Variants in AHNAK observed in about 807,000 individuals in gnomAD.
AHNAK encodes the protein AHNAK nucleoprotein.
Under a neutral mutation model 37.8 loss-of-function variants are expected in AHNAK, and 23 were observed. That is an observed-to-expected ratio of 0.61 (90% CI 0.44 to 0.86). The LOEUF (loss-of-function observed/expected upper bound fraction) is 0.86. AHNAK is among the 40% of genes least tolerant of loss of function. The pLI is 0.00. For missense variants in AHNAK, 7,411 were observed against 7,319.4 expected (o/e 1.01, Z -0.46); for synonymous variants, 2,481 against 2,636.3 (o/e 0.94, Z 1.80).
chr11:62,541,236 T>C (rs1941113414), intron 1 of AHNAK, among the ~76,000 whole-genome samples: 1 of 152,206 alleles, frequency 6.6e-6, no homozygotes, highest in Non-Finnish European at 1.5e-5. Context: ...GGCCCATGAC[T>C]GTGCATCCAC....
intron 5 of AHNAK, among the ~76,000 whole-genome samples, chr11:62,465,316 A>G (rs1384019154): frequency 1.3e-5 from 2 of 152,144 alleles, no homozygotes; most frequent in Non-Finnish European, 2.9e-5. Flanking sequence ...AGATGTGATC[A>G]AATTTTACCG....
At chr11:62,454,698 G>A (rs1351658447) in intron 5 of AHNAK, among the ~76,000 whole-genome samples, 1 of 151,982 alleles carries the variant, frequency 6.6e-6, no homozygotes, top group Non-Finnish European at 1.5e-5. Context: ...CTGCCAGGGC[G>A]ATGGGGAGAA....
intron 1 of AHNAK, among the ~76,000 whole-genome samples, chr11:62,542,377 G>A (rs894147816): frequency 6.6e-5 from 10 of 152,190 alleles, no homozygotes; most frequent in African/African-American, 2.4e-4. Context: ...GGAGGCGCCA[G>A]CCCAGCCACA....
chr11:62,510,215 T>G (rs1459085356), intron 4 of AHNAK, among the ~76,000 whole-genome samples: 1 of 151,540 alleles, frequency 6.6e-6, no homozygotes, highest in Non-Finnish European at 1.5e-5. Context: ...GGCTAATTTT[T>G]TGTATTTTTA....
rs1380249883 is a variant in AHNAK, at chr11:62,527,024, G to T, written c.7393C>A (p.Pro2465Thr). The change falls in exon 5 of 5, where the codon CCC becomes ACC. Residue 2465 changes from proline to threonine, a missense_variant. Transcript: ENST00000378024. ...MPDVDLNLKG[P>T]KIKGDVDVSV... is the part of the protein sequence containing the mutation. The stretch of plus-strand genomic sequence containing the variant: ...ACATCCACATCCCCCTTGATTTTGG[G>T]TCCTTTGAGATTTAGATCAACATCA... 1.2e-6 allele frequency: 2 copies of T among 1,613,958 alleles called. No homozygotes were observed. The highest frequency in any genetic ancestry group is 4.5e-5 in the East Asian group (2 of 44,884).
intron 4 of AHNAK, among the ~76,000 whole-genome samples, chr11:62,497,128 G>T (rs1939625869): frequency 6.6e-6 from 1 of 152,170 alleles, no homozygotes; most frequent in Non-Finnish European, 1.5e-5. Context: ...GAGGTACAAG[G>T]AAAAGGTTTG....
chr11:62,494,981 C>A (rs1379491040), intron 4 of AHNAK, among the ~76,000 whole-genome samples: 3 of 141,542 alleles, frequency 2.1e-5, no homozygotes, highest in Non-Finnish European at 3.0e-5. Context: ...ATCTGGGCAA[C>A]AAGAATGAAA....
intron 5 of AHNAK, among the ~76,000 whole-genome samples, chr11:62,452,851 C>A (rs1039002214): frequency 6.6e-6 from 1 of 152,082 alleles, no homozygotes. Flanking sequence ...ACGGTGAAAC[C>A]TTCTCTTTAC....
Position 62,524,448 on chromosome 11 carries a change from T to C in AHNAK, c.9969A>G (p.Lys3323=), listed in dbSNP as rs1414001711. Residue 3323 remains lysine, a synonymous_variant, in exon 5 of 5, where the codon AAA becomes AAG. Coordinates refer to ENST00000378024, the MANE Select transcript of AHNAK (RefSeq NM_001620.3). Reference sequence around the variant, plus strand: ...GGCCCTTTATATCCAAACTGGGAGCTTTAATGTCACCTTCCAACTTGGGCC... The same window carrying C: ...GGCCCTTTATATCCAAACTGGGAGCCTTAATGTCACCTTCCAACTTGGGCC... ...VSGPKLEGDI[K]APSLDIKGPE... The C allele has an allele frequency of 1.2e-6, 2 of 1,613,930 alleles. No homozygotes were observed. Among genetic ancestry groups the C allele is most frequent in the Non-Finnish European group, 1.7e-6 (2 of 1,179,974 alleles).
chr11:62,454,604 G>C (rs1410349575), intron 5 of AHNAK, among the ~76,000 whole-genome samples: 1 of 152,082 alleles, frequency 6.6e-6, no homozygotes, highest in Non-Finnish European at 1.5e-5. Context: ...CCACCCTGGG[G>C]ACCCGCTCCT....
rs1361975504 is a variant in AHNAK, at chr11:62,528,594, A to G, written c.5823T>C (p.Asp1941=). Residue 1941 remains aspartate (D), a synonymous_variant, in exon 5 of 5, where the codon GAT becomes GAC. Transcript: ENST00000378024. ...CTCCCTCCAATTTTGGCACCGACAC[A>G]TCCACATCCCCTTTGACTTTGGGGC... ...LKGPKVKGDV[D]VSVPKLEGDL... 6.8e-6 allele frequency: 11 copies of G among 1,610,326 alleles called. No homozygotes were observed. The East Asian group carries it at 1.6e-4, about 23-fold the overall frequency.
chr11:62,435,055 T>C (rs766151971), intron 5 of AHNAK, among the ~76,000 whole-genome samples: 3 of 151,798 alleles, frequency 2.0e-5, no homozygotes, highest in Non-Finnish European at 2.9e-5. Flanking sequence ...CAAAATCACC[T>C]GCTCACCCTT....
At chr11:62,487,452 G>C (rs917612963) in intron 5 of AHNAK, among the ~76,000 whole-genome samples, 2 of 152,240 alleles carry the variant, frequency 1.3e-5, no homozygotes, top group Non-Finnish European at 2.9e-5. Context: ...TCTGTTTGTA[G>C]CTTCAACTCT....
intron 5 of AHNAK, among the ~76,000 whole-genome samples, chr11:62,449,831 G>A (rs1329420048): frequency 4.6e-5 from 7 of 152,196 alleles, no homozygotes; most frequent in Admixed American, 1.3e-4. Flanking sequence ...GTTGACTCAC[G>A]ATAAAGTATC....
intron 5 of AHNAK, among the ~76,000 whole-genome samples, chr11:62,486,952 CTGAG>C (rs1297256458): frequency 6.6e-6 from 1 of 152,042 alleles, no homozygotes; most frequent in Non-Finnish European, 1.5e-5. Flanking sequence ...AGAGGGTTCA[CTGAG>C]TAAGGAGCGG....
Position 62,522,121 on chromosome 11 carries a change from T to G in AHNAK, c.12296A>C (p.Asp4099Ala). Residue 4099 changes from aspartate to alanine, a missense_variant, in exon 5 of 5, where the codon GAC becomes GCC. Physicochemically the swap from Asp to Ala is moderately radical, Grantham distance 126 (BLOSUM62 -2). Transcript: ENST00000378024. ...IDVSGPKVDI[D>A]TPDIDIHGPE... ...ACCATGAATATCAATATCAGGAGTG[T>G]CAATGTCCACTTTGGGTCCTGAGAC... 6.2e-7 allele frequency: 1 copy of G among 1,613,794 alleles called. No homozygotes were observed. Among genetic ancestry groups the G allele is most frequent in the East Asian group, 2.2e-5 (1 of 44,850 alleles).
intron 5 of AHNAK, among the ~76,000 whole-genome samples, chr11:62,447,755 C>A (rs543487581): frequency 6.6e-6 from 1 of 152,232 alleles, no homozygotes; most frequent in South Asian, 2.1e-4. Context: ...GCCCTCTGCC[C>A]CCGTGGACCT....
rs1940748287 is a variant in AHNAK, at chr11:62,531,531, T to A, written c.2886A>T (p.Gly962=). 1 of 1,614,174 alleles carries A rather than the reference T, an allele frequency of 6.2e-7. No individual in the cohort carries two copies. Among genetic ancestry groups the A allele is most frequent in the Non-Finnish European group, 8.5e-7 (1 of 1,180,030 alleles). The change falls in exon 5 of 5, where the codon GGA becomes GGT. Residue 962 remains glycine (G), a synonymous_variant. Coordinates refer to ENST00000378024, the MANE Select transcript of AHNAK (RefSeq NM_001620.3). ...GCTTTGGCACTGTCATATCATATTC[T>A]CCCTTTACTTTAGGACCTTTCATAT... The part of the protein sequence containing the change: ...DLHMKGPKVK[G]EYDMTVPKLE...
intron 5 of AHNAK, among the ~76,000 whole-genome samples, chr11:62,473,958 C>T (rs1214403801): frequency 7.4e-6 from 1 of 134,488 alleles, no homozygotes; most frequent in East Asian, 2.0e-4. Context: ...CATGATCAAA[C>T]CACTACACTC....
Sources: gnomAD v4.1 joint callset for allele counts (sites outside exome capture counted in the v4.1 genomes callset) on GRCh38, gnomAD v4.1.1 for gene constraint, MANE v1.5 for transcripts, NCBI Gene and HGNC (gene_info 2026-07-23, HGNC 2026-07-21) for gene names.